GPR137C: variants seen among roughly 807,000 people sequenced by gnomAD.
GPR137C encodes G protein-coupled receptor 137C, also known as integral membrane protein GPR137C.
Under a neutral mutation model 43.4 loss-of-function variants are expected in GPR137C, and 27 were observed. The ratio of observed to expected loss-of-function variants is 0.62; its 90% CI spans 0.46 to 0.86. The LOEUF is 0.86. Ranked by LOEUF, GPR137C falls within the 40% of genes least tolerant of loss-of-function variation. GPR137C has a pLI of 0.00. For synonymous variants in GPR137C, 285 were observed against 226.9 expected, an observed-to-expected ratio of 1.26 and a Z score of -2.30; for missense variants, 522 against 534.6, an observed-to-expected ratio of 0.98 and a Z score of 0.23.
intron 3 of GPR137C, chr14:52,612,164 C>G (rs1459774304): frequency 2.0e-6 from 2 of 983,108 alleles, no homozygotes; most frequent in African/African-American, 3.5e-5. Context: ...TAAAACTTGG[C>G]AATATGAAAG....
At chr14:52,616,842 C>G (rs2039105452) in intron 3 of GPR137C, among the ~76,000 whole-genome samples, 2 of 152,156 alleles carry the variant, frequency 1.3e-5, no homozygotes, top group South Asian at 4.1e-4. Flanking sequence ...AGTTTTGTAC[C>G]AAGACTGCAT....
At chr14:52,578,855 A>G (rs565791719) in intron 1 of GPR137C, among the ~76,000 whole-genome samples, 42 of 152,224 alleles carry the variant, frequency 2.8e-4, no homozygotes, top group African/African-American at 7.0e-4. Context: ...GAGGCTGGAG[A>G]ATCTCTTGAA....
At chr14:52,569,168 G>C (rs1462297367) in intron 1 of GPR137C, among the ~76,000 whole-genome samples, 1 of 152,140 alleles carries the variant, frequency 6.6e-6, no homozygotes, top group Non-Finnish European at 1.5e-5. Flanking sequence ...GGTCTGGAGA[G>C]GACCTCCAGC....
intron 1 of GPR137C, among the ~76,000 whole-genome samples, chr14:52,567,942 G>A (rs2038398783): frequency 6.6e-6 from 1 of 152,182 alleles, no homozygotes; most frequent in African/African-American, 2.4e-5. Flanking sequence ...ACAGGCGTGA[G>A]CCACCGCGCC....
intron 3 of GPR137C, among the ~76,000 whole-genome samples, chr14:52,617,787 C>T (rs540746791): frequency 6.6e-6 from 1 of 152,272 alleles, no homozygotes; most frequent in Admixed American, 6.5e-5. Context: ...CAAATTGCAG[C>T]ATCTTTAAGC....
chr14:52,553,210 C>T lies in GPR137C; in HGVS notation c.63C>T (p.Ser21=). 7.9e-7 allele frequency: 1 copy of T among 1,261,012 alleles called. No homozygotes were observed. The highest frequency in any genetic ancestry group is 1.0e-6 in the Non-Finnish European group (1 of 1,004,030). 78.1% of individuals were successfully genotyped at this position (1,261,012 alleles called of 1,614,324 possible). Residue 21 remains serine, a synonymous_variant, in exon 1 of 7, where the codon TCC becomes TCT. Transcript: ENST00000321662. ...CCCCCGCAGCCGGCCGCGAGCCCTCCACGCCCGGCGGGGGCAGCGGAGGCG... is the reference window on the plus strand; with the variant it reads ...CCCCCGCAGCCGGCCGCGAGCCCTCTACGCCCGGCGGGGGCAGCGGAGGCG... The part of the protein sequence containing the change: ...AAAPAAGREP[S]TPGGGSGGGG...
chr14:52,557,198 A>G lies in GPR137C; in HGVS notation c.444+3607A>G, dbSNP rs573060882. 7.2e-5 allele frequency among the ~76,000 whole-genome samples: 11 copies of G among 152,298 alleles called. No homozygotes were observed. In the East Asian group the frequency reaches 1.9e-3, roughly 27 times the overall value. On this transcript the variant is annotated intron_variant, in intron 1 of 6. Transcript: ENST00000321662. ...ATTTTACATATTTTTATCTCCAGCA[A>G]CTAGAACAATGATGATTATATTATT...
chr14:52,578,035 A>ATAT (rs2038590062), intron 1 of GPR137C, among the ~76,000 whole-genome samples: 1 of 152,168 alleles, frequency 6.6e-6, no homozygotes, highest in Non-Finnish European at 1.5e-5. Flanking sequence ...GACCACTATG[A>ATAT]ACATCTCTAT....
chr14:52,570,881 A>G (rs923513876), intron 1 of GPR137C, among the ~76,000 whole-genome samples: 1 of 152,144 alleles, frequency 6.6e-6, no homozygotes, highest in East Asian at 1.9e-4. Flanking sequence ...CTCCCACACA[A>G]TAATAGTGGG....
intron 3 of GPR137C, chr14:52,613,264 G>T (rs999889327): frequency 6.7e-6 from 1 of 148,184 alleles, no homozygotes; most frequent in Non-Finnish European, 1.5e-5. Flanking sequence ...AAAAAAAAAA[G>T]ATATTTCTGA....
intron 1 of GPR137C, among the ~76,000 whole-genome samples, chr14:52,565,761 G>C (rs1333130563): frequency 6.6e-6 from 1 of 152,086 alleles, no homozygotes; most frequent in African/African-American, 2.4e-5. Context: ...TAAAAATTAA[G>C]TGTCCTTGTA....
Position 52,553,510 on chromosome 14 carries a change from C to T in GPR137C, c.363C>T (p.Phe121=), listed in dbSNP as rs770004651. 5 of 1,609,408 alleles carry T rather than the reference C, an allele frequency of 3.1e-6. No homozygotes were observed. In the South Asian group the frequency reaches 4.4e-5, roughly 14 times the overall value. ...TCCGGCCGCCCGCTCACCTGCACTT[C>T]TTCCCCCACTGGCTGCTCTACTGCT... is the stretch of plus-strand genomic sequence containing the variant. ...PLLRPPAHLH[F]FPHWLLYCFP... The change falls in exon 1 of 7, where the codon TTC becomes TTT. Residue 121 remains phenylalanine, a synonymous_variant. Transcript: ENST00000321662.
chr14:52,631,953 C>CA lies in GPR137C; in HGVS notation c.718-191dup, dbSNP rs35962083. ...CTCCAGCTGCTATTTGGCAAGTTGG[C>CA]AAAAAAAAAAAAAAAACTTACACAT... On this transcript the variant is annotated intron_variant, in intron 3 of 6. Coordinates refer to ENST00000321662, the MANE Select transcript of GPR137C (RefSeq NM_001099652.2). Among the ~76,000 whole-genome samples, 563 of 128,936 alleles carry CA rather than the reference C, an allele frequency of 4.4e-3. 2 individuals are homozygous for CA. Among genetic ancestry groups the CA allele is most frequent in the African/African-American group, 9.9e-3 (337 of 33,892 alleles). 84.6% of individuals were successfully genotyped at this position (128,936 alleles called of 152,430 possible).
chr14:52,558,029 C>G (rs916598299), intron 1 of GPR137C, among the ~76,000 whole-genome samples: 8 of 149,540 alleles, frequency 5.3e-5, no homozygotes, highest in African/African-American at 1.7e-4. Context: ...ACCAGAGATT[C>G]AGAGAAATGC....
At chr14:52,573,376 T>C (rs1321443407) in intron 1 of GPR137C, among the ~76,000 whole-genome samples, 1 of 152,102 alleles carries the variant, frequency 6.6e-6, no homozygotes, top group African/African-American at 2.4e-5. Flanking sequence ...AAAACAGATA[T>C]ATAGACCAAT....
intron 1 of GPR137C, among the ~76,000 whole-genome samples, chr14:52,582,305 A>T (rs1362465280): frequency 6.6e-6 from 1 of 152,172 alleles, no homozygotes; most frequent in South Asian, 2.1e-4. Context: ...TCCTAATACT[A>T]ATCACATTGG....
chr14:52,590,265 T>G (rs144079505), intron 1 of GPR137C, among the ~76,000 whole-genome samples: 314 of 152,064 alleles, frequency 2.1e-3, no homozygotes, highest in African/African-American at 7.0e-3. Flanking sequence ...AAAAAAAAGC[T>G]TATTGAATAA....
At chr14:52,590,768 T>C (rs1381434908) in intron 1 of GPR137C, among the ~76,000 whole-genome samples, 3 of 152,172 alleles carry the variant, frequency 2.0e-5, no homozygotes, top group Non-Finnish European at 4.4e-5. Flanking sequence ...GGCTATACCA[T>C]CTAGGTTTGT....
intron 1 of GPR137C, among the ~76,000 whole-genome samples, chr14:52,556,555 T>C (rs934553444): frequency 5.9e-5 from 9 of 151,942 alleles, no homozygotes; most frequent in Admixed American, 1.3e-4. Context: ...TGTACACTAA[T>C]CTAAAAACAC....
Sources: allele counts gnomAD v4.1 joint callset (sites outside exome capture counted in the v4.1 genomes callset), GRCh38; gene constraint gnomAD v4.1.1; transcripts MANE v1.5; gene names NCBI Gene and HGNC (gene_info 2026-07-23, HGNC 2026-07-21).